SLC35A1: variants seen among roughly 807,000 people sequenced by gnomAD.
SLC35A1 encodes CMP-sialic acid transporter.
A neutral mutation model predicts 40.3 loss-of-function variants in SLC35A1; 21 were observed. The ratio of observed to expected loss-of-function variants is 0.52; its 90% CI spans 0.37 to 0.75. The LOEUF is 0.75. Among genes scored for constraint, SLC35A1 ranks in the 30% least tolerant of loss-of-function variants. The probability of loss-of-function intolerance (pLI) is 0.00; values close to 1 mark genes in which losing one functional copy is unlikely to be tolerated. For synonymous variants in SLC35A1, 146 were observed against 147.3 expected (o/e 0.99, Z 0.06); for missense variants, 297 against 382.1 (o/e 0.78, Z 1.86).
chr6:87,509,647 G>C (rs1259563694), intron 7 of SLC35A1, among the ~76,000 whole-genome samples: 1 of 152,134 alleles, frequency 6.6e-6, no homozygotes, highest in Non-Finnish European at 1.5e-5. Flanking sequence ...ATTTGGGTGT[G>C]AGACGGTTTT....
chr6:87,508,489 T>C lies in SLC35A1; in HGVS notation c.644T>C (p.Leu215Pro), dbSNP rs934458917. Reference sequence around the variant, plus strand: ...TGGGTGAGAAACATTCAAATGTATCTATCAGGGATTATTGTGACATTAGCT... The same window carrying C: ...TGGGTGAGAAACATTCAAATGTATCCATCAGGGATTATTGTGACATTAGCT... Reference protein sequence around the residue: ...SLWVRNIQMYLSGIIVTLAGV... With the variant: ...SLWVRNIQMYPSGIIVTLAGV... Residue 215 changes from leucine (L) to proline (P), a missense_variant, in exon 6 of 8, where the codon CTA becomes CCA. By Grantham distance (98) the Leu-to-Pro change is moderately conservative (BLOSUM62 -3). Transcript: ENST00000369552. 12 of 1,612,610 alleles carry C rather than the reference T, an allele frequency of 7.4e-6. No individual in the cohort carries two copies. The highest frequency in any genetic ancestry group is 1.0e-5 in the Non-Finnish European group (12 of 1,178,926).
chr6:87,511,340 A>G (rs1182813070), intron 7 of SLC35A1, 59 bp from the exon 8 acceptor site: 2 of 1,583,726 alleles, frequency 1.3e-6, no homozygotes, highest in Non-Finnish European at 1.7e-6. Context: ...TTTTAAACTG[A>G]TCATTAGGCA....
intron 2 of SLC35A1, among the ~76,000 whole-genome samples, chr6:87,494,421 A>AT (rs1769654136): frequency 1.6e-5 from 2 of 124,154 alleles, no homozygotes; most frequent in African/African-American, 6.7e-5. Flanking sequence ...TAAATATTTG[A>AT]ATTTTTTTTT....
chr6:87,511,538 C>T lies in SLC35A1; in HGVS notation c.*12C>T, dbSNP rs144404752. 2.2e-4 allele frequency: 348 copies of T among 1,613,662 alleles called. No homozygotes were observed. The East Asian group carries it at 3.9e-3, about 18-fold the overall frequency. On this transcript the variant is annotated 3_prime_UTR_variant, in exon 8 of 8. Coordinates refer to ENST00000369552, the MANE Select transcript of SLC35A1 (RefSeq NM_006416.5). Reference sequence around the variant, plus strand: ...TTATTGGTGTGTGATTTTAGCCTCACGTGAGACTCCTTTTAAGACTAAACC... The same window carrying T: ...TTATTGGTGTGTGATTTTAGCCTCATGTGAGACTCCTTTTAAGACTAAACC...
chr6:87,474,005 T>C lies in SLC35A1; in HGVS notation c.16+986T>C, dbSNP rs61181259. On this transcript the variant is annotated intron_variant, in intron 1 of 7. Transcript: ENST00000369552. ...TTGTCTTTAGTTGCATATGCTTCTC[T>C]TATGTCTTCTTTCTGTTTCATTTCA... Among the ~76,000 whole-genome samples, 1,440 of 152,384 alleles carry C rather than the reference T, an allele frequency of 9.4e-3. 17 individuals carry two copies. Among genetic ancestry groups the C allele is most frequent in the African/African-American group, 0.033 (1,360 of 41,594 alleles).
At chr6:87,510,317 C>A (rs542945567) in intron 7 of SLC35A1, among the ~76,000 whole-genome samples, 3 of 152,096 alleles carry the variant, frequency 2.0e-5, no homozygotes, top group African/African-American at 7.2e-5. Context: ...CAACAAAATC[C>A]TTATACCATT....
At chr6:87,502,392 G>T (rs1162568198) in intron 4 of SLC35A1, among the ~76,000 whole-genome samples, 1 of 152,118 alleles carries the variant, frequency 6.6e-6, no homozygotes, top group African/African-American at 2.4e-5. Context: ...GTAAGTTCAG[G>T]GTTCTGAGAG....
intron 4 of SLC35A1, 146 bp from the exon 5 acceptor site, chr6:87,506,236 G>A (rs779525925): frequency 4.0e-5 from 27 of 669,624 alleles, no homozygotes; most frequent in Non-Finnish European, 6.5e-5. Flanking sequence ...TTTTTGTTTA[G>A]TTGTCTTATT....
intron 2 of SLC35A1, among the ~76,000 whole-genome samples, chr6:87,492,349 C>CT (rs1176172502): frequency 7.3e-5 from 11 of 150,678 alleles, no homozygotes; most frequent in Non-Finnish European, 1.5e-4. Context: ...GTTCCTCCAT[C>CT]TTTTTTTTTC....
chr6:87,500,601 AGT>A lies in SLC35A1; in HGVS notation c.291_292del (p.Tyr98CysfsTer12). ...TGTTGAAGTTAAGTGTGCCATCGTT[AGT>A]GTATGCTGTTCAGAACAACATGGCT... ...ELLKLSVPSL[V>X]YAVQNNMAFL... On this transcript the variant is annotated frameshift_variant, in exon 3 of 8. Transcript: ENST00000369552. LOFTEE classifies it high-confidence loss of function. 1 of 1,614,142 alleles carries A rather than the reference AGT, an allele frequency of 6.2e-7. No homozygotes were observed. The highest frequency in any genetic ancestry group is 8.5e-7 in the Non-Finnish European group (1 of 1,179,994).
At chr6:87,494,229 A>G (rs1461715067) in intron 2 of SLC35A1, among the ~76,000 whole-genome samples, 2 of 152,168 alleles carry the variant, frequency 1.3e-5, no homozygotes, top group East Asian at 3.9e-4. Flanking sequence ...GGTTGTCTCC[A>G]GTCTTCTACT....
chr6:87,507,614 G>T (rs900805434), intron 5 of SLC35A1, among the ~76,000 whole-genome samples: 1 of 152,010 alleles, frequency 6.6e-6, no homozygotes, highest in African/African-American at 2.4e-5. Flanking sequence ...CTTGTTTTTC[G>T]TTAGACTTTT....
intron 2 of SLC35A1, among the ~76,000 whole-genome samples, chr6:87,500,240 T>A (rs1227030873): frequency 6.6e-6 from 1 of 152,230 alleles, no homozygotes; most frequent in Non-Finnish European, 1.5e-5. Context: ...AATCTCATTA[T>A]TCAATATACT....
At chr6:87,511,261 C>A (rs1739133726) in intron 7 of SLC35A1, 138 bp from the exon 8 acceptor site, 2 of 891,858 alleles carry the variant, frequency 2.2e-6, no homozygotes. Context: ...TAATGGAAGA[C>A]CTTTCTAAAC....
Position 87,511,461 on chromosome 6 carries a change from A to C in SLC35A1, c.949A>C (p.Arg317=), listed in dbSNP as rs1057522218. The C allele has an allele frequency of 7.4e-6, 12 of 1,613,738 alleles. No homozygotes were observed. The highest frequency in any genetic ancestry group is 9.3e-6 in the Non-Finnish European group (11 of 1,179,770). ...TTCCATATATCTCTATGGATTACCC[A>C]GACAAGACACTACATCCATCCAACA... ...CVSIYLYGLP[R]QDTTSIQQGE... The change falls in exon 8 of 8, where the codon AGA becomes CGA. Residue 317 remains arginine (R), a synonymous_variant. Coordinates refer to ENST00000369552, the MANE Select transcript of SLC35A1 (RefSeq NM_006416.5).
intron 2 of SLC35A1, among the ~76,000 whole-genome samples, chr6:87,482,084 A>AT (rs763430965): frequency 1.3e-4 from 20 of 152,210 alleles, no homozygotes; most frequent in Admixed American, 3.3e-4. Context: ...CATTTCTTGC[A>AT]TAAGTTCCCT....
intron 3 of SLC35A1, among the ~76,000 whole-genome samples, 161 bp from the exon 4 acceptor site, chr6:87,500,997 G>A (rs1394394197): frequency 6.6e-6 from 1 of 151,966 alleles, no homozygotes; most frequent in Non-Finnish European, 1.5e-5. Flanking sequence ...TCCACCACCC[G>A]CCTCGGCCTC....
At chr6:87,478,115 C>T (rs550675518) in intron 2 of SLC35A1, among the ~76,000 whole-genome samples, 3 of 152,250 alleles carry the variant, frequency 2.0e-5, no homozygotes, top group Non-Finnish European at 4.4e-5. Flanking sequence ...GTTTTATTGA[C>T]GCAGCATCTG....
chr6:87,508,692 C>T, intron 6 of SLC35A1, 96 bp downstream of exon 6: 1 of 999,710 alleles, frequency 1.0e-6, no homozygotes, highest in Non-Finnish European at 1.5e-6. Context: ...TGAAATTAAT[C>T]CTTTGATACT....
Sources: gnomAD v4.1 joint callset for allele counts (sites outside exome capture counted in the v4.1 genomes callset) on GRCh38, gnomAD v4.1.1 for gene constraint, MANE v1.5 for transcripts, NCBI Gene and HGNC (gene_info 2026-07-23, HGNC 2026-07-21) for gene names.